Variants in YES1 observed in about 807,000 individuals in gnomAD.
YES1 encodes YES proto-oncogene 1, Src family tyrosine kinase.
YES1 carries 39 observed loss-of-function variants against 70.4 expected under a neutral mutation model. That is an observed-to-expected ratio of 0.55 (90% CI 0.43 to 0.72). YES1 has a LOEUF of 0.72. Ranked by LOEUF, YES1 falls within the 30% of genes least tolerant of loss-of-function variation. The pLI is 0.00. For missense variants in YES1, 495 were observed against 644.8 expected (o/e 0.77, Z 2.52); for synonymous variants, 198 against 218.6 (o/e 0.91, Z 0.83).
intron 1 of YES1, among the ~76,000 whole-genome samples, chr18:767,439 C>CA (rs1443930587): frequency 1.3e-5 from 2 of 152,146 alleles, no homozygotes; most frequent in East Asian, 3.8e-4. Flanking sequence ...ACATAAGCCA[C>CA]AATGCCCGGC....
At chr18:780,462 T>C (rs1905603195) in intron 1 of YES1, among the ~76,000 whole-genome samples, 1 of 152,118 alleles carries the variant, frequency 6.6e-6, no homozygotes, top group Non-Finnish European at 1.5e-5. Flanking sequence ...CCCCTCACCA[T>C]GTGATATCCT....
intron 11 of YES1, among the ~76,000 whole-genome samples, chr18:728,175 A>T (rs1230421537): frequency 6.6e-6 from 1 of 152,020 alleles, no homozygotes; most frequent in East Asian, 1.9e-4. Context: ...GTCTCTACAA[A>T]AATTAGCTAG....
At chr18:791,262 GAA>G (rs76918191) in intron 1 of YES1, among the ~76,000 whole-genome samples, 1 of 131,672 alleles carries the variant, frequency 7.6e-6, no homozygotes, top group Admixed American at 7.6e-5. Flanking sequence ...AAAAAAAAAA[GAA>G]AAAAAAAAAA....
At chr18:729,000 AT>A (rs1428303547) in intron 11 of YES1, among the ~76,000 whole-genome samples, 1 of 152,128 alleles carries the variant, frequency 6.6e-6, no homozygotes, top group East Asian at 1.9e-4. Flanking sequence ...TATTTAGAAG[AT>A]TTTTAGCCAT....
upstream of YES1, chr18:812,366 G>GGCGGGGGCTGCGGGTACCT (rs1907455015): frequency 6.6e-6 from 1 of 151,676 alleles, no homozygotes; most frequent in African/African-American, 2.4e-5. Flanking sequence ...TTCTAGCGGG[G>GGCGGGGGCTGCGGGTACCT]GCGGGGGCTG....
At chr18:808,162 A>C (rs934652349) in intron 1 of YES1, among the ~76,000 whole-genome samples, 3 of 152,320 alleles carry the variant, frequency 2.0e-5, no homozygotes, top group South Asian at 4.1e-4. Context: ...TATTGCCATC[A>C]AGTCTGCTAG....
intron 6 of YES1, among the ~76,000 whole-genome samples, chr18:744,541 C>T (rs993380550): frequency 4.6e-5 from 7 of 151,786 alleles, no homozygotes; most frequent in African/African-American, 1.7e-4. Context: ...AGGTGCATGC[C>T]ACCACGCCTG....
intron 1 of YES1, among the ~76,000 whole-genome samples, chr18:787,442 G>C (rs1024013486): frequency 1.1e-4 from 16 of 151,970 alleles, no homozygotes; most frequent in African/African-American, 3.9e-4. Context: ...GGGCGCGGTG[G>C]CTCACACCTG....
chr18:775,714 T>C (rs1905345720), intron 1 of YES1, among the ~76,000 whole-genome samples: 1 of 152,112 alleles, frequency 6.6e-6, no homozygotes, highest in South Asian at 2.1e-4. Context: ...GGAGGATCGC[T>C]TGAGCCTGGG....
intron 1 of YES1, among the ~76,000 whole-genome samples, chr18:808,630 C>T (rs1033128698): frequency 5.3e-5 from 8 of 152,196 alleles, no homozygotes; most frequent in Non-Finnish European, 7.3e-5. Context: ...CACAACAAAG[C>T]GTGCACCACA....
In YES1 at chr18:745,699, T is replaced by G. The variant is rs1404580313; in HGVS notation, c.724+9A>C. On this transcript the variant is annotated intron_variant, in intron 6 of 11. Transcript: ENST00000314574. ...AGAAATAATTTTTACCTTTGAAATATTCACATACCTGTGTAGTGTTTCACC... is the reference window on the plus strand; with the variant it reads ...AGAAATAATTTTTACCTTTGAAATAGTCACATACCTGTGTAGTGTTTCACC... 1 of 1,586,318 alleles carries G rather than the reference T, an allele frequency of 6.3e-7. No homozygotes were observed. Among genetic ancestry groups the G allele is most frequent in the African/African-American group, 1.4e-5 (1 of 73,308 alleles).
chr18:803,025 TTAA>T (rs1194964262), intron 1 of YES1, among the ~76,000 whole-genome samples: 3 of 151,156 alleles, frequency 2.0e-5, no homozygotes, highest in African/African-American at 7.3e-5. Flanking sequence ...CCTAGGGGGT[TTAA>T]GATCAGTCTG....
At chr18:795,622 G>C (rs548261100) in intron 1 of YES1, among the ~76,000 whole-genome samples, 37 of 152,098 alleles carry the variant, frequency 2.4e-4, no homozygotes, top group African/African-American at 8.7e-4. Context: ...GGATGAAGCT[G>C]GAAATCATCA....
intron 1 of YES1, among the ~76,000 whole-genome samples, chr18:764,421 C>T (rs183945505): frequency 1.4e-3 from 210 of 152,164 alleles, no homozygotes; most frequent in African/African-American, 4.8e-3. Context: ...AGAGTATCAC[C>T]ATGTTTGTCA....
chr18:734,913 T>C (rs1783876309), intron 10 of YES1, among the ~76,000 whole-genome samples: 1 of 152,094 alleles, frequency 6.6e-6, no homozygotes, highest in South Asian at 2.1e-4. Context: ...ATCCCAGCGC[T>C]TTGGGAAGCC....
intron 1 of YES1, chr18:798,207 A>C (rs752036417): frequency 3.4e-4 from 51 of 152,238 alleles, no homozygotes; most frequent in Admixed American, 8.5e-4. Context: ...AGAAATGAGA[A>C]GATAAAAAGG....
At chr18:773,618 CTT>C (rs1905247707) in intron 1 of YES1, among the ~76,000 whole-genome samples, 1 of 152,116 alleles carries the variant, frequency 6.6e-6, no homozygotes, top group African/African-American at 2.4e-5. Flanking sequence ...ATTCTCTTCT[CTT>C]TTAAAACCTC....
intron 1 of YES1, among the ~76,000 whole-genome samples, chr18:764,785 T>G (rs919797635): frequency 1.3e-5 from 2 of 151,826 alleles, no homozygotes; most frequent in Non-Finnish European, 2.9e-5. Flanking sequence ...CAGGCTGGAG[T>G]GCAGTGGCGC....
intron 1 of YES1, among the ~76,000 whole-genome samples, chr18:802,615 GA>G (rs916220684): frequency 2.0e-4 from 30 of 151,404 alleles, no homozygotes; most frequent in African/African-American, 7.3e-4. Context: ...TAATGAAGAA[GA>G]AAAAAGACAA....
Sources: allele counts gnomAD v4.1 joint callset (sites outside exome capture counted in the v4.1 genomes callset), GRCh38; gene constraint gnomAD v4.1.1; transcripts MANE v1.5; gene names NCBI Gene and HGNC (gene_info 2026-07-23, HGNC 2026-07-21).